Variants in TNIP3 observed in about 807,000 individuals in gnomAD.
TNIP3 encodes TNFAIP3-interacting protein 3.
Under a neutral mutation model 54.1 loss-of-function variants are expected in TNIP3, and 34 were observed. The observed-to-expected ratio is 0.63, with a 90% CI of 0.48 to 0.84. TNIP3 has a LOEUF of 0.84. Among genes scored for constraint, TNIP3 ranks in the 40% least tolerant of loss-of-function variants. The pLI, the probability that TNIP3 is intolerant of heterozygous loss-of-function variation, is 0.00. For missense variants in TNIP3, 366 were observed against 387.6 expected (o/e 0.94, Z 0.47); for synonymous variants, 134 against 136.8 (o/e 0.98, Z 0.14).
At chr4:121,216,611 G>C (rs1334769403) in exon 1 of TNIP3, 7 of 1,483,110 alleles carry the variant, frequency 4.7e-6, no homozygotes, top group South Asian at 2.7e-5. Context: ...TTCATCAAAA[G>C]CCATGTTTTT....
intron 2 of TNIP3, among the ~76,000 whole-genome samples, chr4:121,213,372 C>T (rs1271388500): frequency 6.6e-6 from 1 of 152,102 alleles, no homozygotes; most frequent in Admixed American, 6.6e-5. Context: ...GAATCATAGT[C>T]ATTTTTCTTG....
intron 3 of TNIP3, among the ~76,000 whole-genome samples, chr4:121,157,527 C>G (rs1006539795): frequency 6.6e-6 from 1 of 152,136 alleles, no homozygotes; most frequent in Non-Finnish European, 1.5e-5. Context: ...TAGACCCCAC[C>G]CAGGGGAATC....
chr4:121,153,517 C>T (rs550177257), intron 5 of TNIP3, among the ~76,000 whole-genome samples: 4 of 152,158 alleles, frequency 2.6e-5, no homozygotes, highest in Admixed American at 6.5e-5. Flanking sequence ...GATTTTGCCC[C>T]GCATTTGTAT....
At chr4:121,147,707 A>G (rs1729512561) in intron 6 of TNIP3, among the ~76,000 whole-genome samples, 1 of 152,234 alleles carries the variant, frequency 6.6e-6, no homozygotes, top group South Asian at 2.1e-4. Context: ...AGACTGGTAT[A>G]TAAAGCTATG....
At chr4:121,180,731 C>G (rs28567402) in intron 3 of TNIP3, among the ~76,000 whole-genome samples, 6,716 of 152,234 alleles carry the variant, frequency 0.044, 492 homozygotes, top group African/African-American at 0.15. Context: ...AACCCCCACA[C>G]TGTTAAGTGA....
intron 3 of TNIP3, among the ~76,000 whole-genome samples, chr4:121,158,021 A>G (rs1026460179): frequency 3.9e-5 from 6 of 152,250 alleles, no homozygotes; most frequent in African/African-American, 1.4e-4. Context: ...AAATGCTGCT[A>G]TATTACAATA....
chr4:121,193,626 A>G (rs932507679), intron 2 of TNIP3, among the ~76,000 whole-genome samples: 6 of 152,122 alleles, frequency 3.9e-5, no homozygotes, highest in African/African-American at 1.4e-4. Flanking sequence ...TTGATAAGAA[A>G]TGGGATCTTT....
intron 10 of TNIP3, 78 bp from the exon 11 acceptor site, chr4:121,132,740 A>G: frequency 7.4e-7 from 1 of 1,360,376 alleles, no homozygotes; most frequent in East Asian, 2.3e-5. Flanking sequence ...AGGCTGACAT[A>G]AAGTTCCAGG....
intron 3 of TNIP3, among the ~76,000 whole-genome samples, chr4:121,178,778 C>G (rs952174781): frequency 6.6e-5 from 10 of 152,142 alleles, no homozygotes; most frequent in Non-Finnish European, 1.0e-4. Flanking sequence ...CTCATGAAAC[C>G]AAACAAGTTG....
chr4:121,157,259 A>T lies in TNIP3; in HGVS notation c.214-16T>A. 6.2e-7 allele frequency: 1 copy of T among 1,614,050 alleles called. No homozygotes were observed. Among genetic ancestry groups the T allele is most frequent in the Non-Finnish European group, 8.5e-7 (1 of 1,180,012 alleles). ...GCTCTGCTACCTGAGGAGGTCGTTC[A>T]AAGACAGCTGCAGATACCTTCTCTG... On this transcript the variant is annotated splice_polypyrimidine_tract_variant and intron_variant, in intron 3 of 10. Transcript: ENST00000057513.
At chr4:121,170,734 T>C (rs942038979) in intron 3 of TNIP3, among the ~76,000 whole-genome samples, 21 of 152,158 alleles carry the variant, frequency 1.4e-4, no homozygotes, top group African/African-American at 4.8e-4. Flanking sequence ...TAAGTTAATA[T>C]ATTGAAGTAT....
chr4:121,200,129 T>C (rs1646968098), intron 2 of TNIP3, among the ~76,000 whole-genome samples: 1 of 151,892 alleles, frequency 6.6e-6, no homozygotes. Flanking sequence ...GTTCACTGGG[T>C]TCCTTTACTG....
chr4:121,132,535 C>G lies in TNIP3; in HGVS notation c.*96G>C. On this transcript the variant is annotated 3_prime_UTR_variant, in exon 11 of 11. Transcript: ENST00000057513. ...CACAAATAACAGGGTAGATGATGTG[C>G]CTTTGTGGCAGAAACAAGCCTCAGT... is the stretch of plus-strand genomic sequence containing the variant. 1.7e-6 allele frequency: 2 copies of G among 1,180,734 alleles called. No homozygotes were observed. The highest frequency in any genetic ancestry group is 2.6e-5 in the South Asian group (2 of 77,564). 73.1% of individuals were successfully genotyped at this position (1,180,734 alleles called of 1,614,324 possible). A position where few individuals can be genotyped will look rare whatever the true frequency, so the allele number is the denominator to read the frequency against.
At chr4:121,158,855 A>C in intron 2 of TNIP3, 103 bp from the exon 3 acceptor site, 1 of 851,250 alleles carries the variant, frequency 1.2e-6, no homozygotes, top group Non-Finnish European at 1.9e-6. Context: ...TTTAGAAGCC[A>C]TGGATGAAGA....
chr4:121,192,636 G>A (rs1725360749), intron 2 of TNIP3, among the ~76,000 whole-genome samples: 1 of 152,116 alleles, frequency 6.6e-6, no homozygotes, highest in African/African-American at 2.4e-5. Context: ...ACTCAGTTCA[G>A]GTCGAAAATA....
intron 2 of TNIP3, among the ~76,000 whole-genome samples, chr4:121,200,457 T>C (rs933666663): frequency 5.9e-5 from 9 of 152,054 alleles, no homozygotes; most frequent in African/African-American, 2.2e-4. Flanking sequence ...CTGAGCAACG[T>C]TTTTCATCTT....
At chr4:121,191,380 A>C (rs1009060625) in intron 2 of TNIP3, among the ~76,000 whole-genome samples, 1 of 152,206 alleles carries the variant, frequency 6.6e-6, no homozygotes, top group Non-Finnish European at 1.5e-5. Context: ...AACACCTGGA[A>C]GAGAACAAAG....
intron 3 of TNIP3, among the ~76,000 whole-genome samples, chr4:121,170,940 C>T (rs573584013): frequency 3.3e-5 from 5 of 152,188 alleles, no homozygotes; most frequent in African/African-American, 7.2e-5. Context: ...CTTCGCCTCC[C>T]GAGTAGCTGG....
At chr4:121,185,460 T>A (rs912011990) in intron 2 of TNIP3, among the ~76,000 whole-genome samples, 1 of 152,256 alleles carries the variant, frequency 6.6e-6, no homozygotes, top group African/African-American at 2.4e-5. Context: ...ATTATTTTGA[T>A]TTCTTATTTG....
Sources: allele counts gnomAD v4.1 joint callset (sites outside exome capture counted in the v4.1 genomes callset), GRCh38; gene constraint gnomAD v4.1.1; transcripts MANE v1.5; gene names NCBI Gene and HGNC (gene_info 2026-07-23, HGNC 2026-07-21).